POU2AF1: variants seen among roughly 807,000 people sequenced by gnomAD.
POU2AF1 encodes the protein POU domain class 2-associating factor 1.
POU2AF1 carries 12 observed loss-of-function variants against 26.3 expected under a neutral mutation model. The ratio of observed to expected loss-of-function variants is 0.46; its 90% CI spans 0.29 to 0.74. The LOEUF (loss-of-function observed/expected upper bound fraction) is 0.74. Ranked by LOEUF, POU2AF1 falls within the 30% of genes least tolerant of loss-of-function variation. The pLI, the probability that POU2AF1 is intolerant of heterozygous loss-of-function variation, is 0.09. For synonymous variants in POU2AF1, 175 were observed against 148.0 expected (o/e 1.18, Z -1.32); for missense variants, 297 against 334.5 (o/e 0.89, Z 0.87).
chr11:111,353,047 AAGGAAG>A lies in POU2AF1; in HGVS notation c.*1208_*1213del. On this transcript the variant is annotated 3_prime_UTR_variant, in exon 5 of 5. Transcript: ENST00000393067. Reference sequence around the variant, plus strand: ...GAAGGAAGGAAGGAAGGAAGGAAGGAAGGAAGGAAAGAAACAAAACCCACATGGTAG... The same window carrying A: ...GAAGGAAGGAAGGAAGGAAGGAAGGAGAAAGAAACAAAACCCACATGGTAG... The A allele has an allele frequency of 5.5e-6, 1 of 182,122 alleles. No homozygotes were observed. Among genetic ancestry groups the A allele is most frequent in the Non-Finnish European group, 1.0e-5 (1 of 96,922 alleles). The allele number at this position is 182,122 out of a possible 1,614,324, so 11.3% of individuals were successfully genotyped here.
chr11:111,357,862 G>T (rs1284255763), intron 2 of POU2AF1, 25 bp from the exon 3 acceptor site: 4 of 1,592,768 alleles, frequency 2.5e-6, no homozygotes, highest in Non-Finnish European at 3.4e-6. Context: ...AGAAGACCAG[G>T]GTCAATGTTT....
intron 1 of POU2AF1, among the ~76,000 whole-genome samples, chr11:111,371,147 T>C (rs1861202513): frequency 6.6e-6 from 1 of 152,232 alleles, no homozygotes; most frequent in African/African-American, 2.4e-5. Context: ...ATGCTTGCTG[T>C]CTTCCAATGA....
At chr11:111,362,168 G>A (rs1188873623) in intron 1 of POU2AF1, among the ~76,000 whole-genome samples, 1 of 152,062 alleles carries the variant, frequency 6.6e-6, no homozygotes, top group African/African-American at 2.4e-5. Context: ...AGCATTTTTG[G>A]TTTTAATCTT....
intron 1 of POU2AF1, chr11:111,363,868 C>T: frequency 1.0e-6 from 1 of 985,354 alleles, no homozygotes. Context: ...TTTAAGTCTC[C>T]CGTAGGTATC....
At chr11:111,363,097 G>A (rs1673075487) in intron 1 of POU2AF1, 1 of 995,988 alleles carries the variant, frequency 1.0e-6, no homozygotes, top group African/African-American at 1.7e-5. Context: ...ACCCTCTAAT[G>A]TCTGGACTTC....
intron 1 of POU2AF1, among the ~76,000 whole-genome samples, chr11:111,376,336 T>C (rs943196049): frequency 6.6e-6 from 1 of 152,180 alleles, no homozygotes; most frequent in East Asian, 1.9e-4. Context: ...TCCTGCTATT[T>C]CCACTACACT....
chr11:111,362,803 C>A (rs939740137), intron 1 of POU2AF1, among the ~76,000 whole-genome samples: 1 of 152,156 alleles, frequency 6.6e-6, no homozygotes, highest in African/African-American at 2.4e-5. Context: ...CTTAATTCAG[C>A]TGAGGAACAA....
chr11:111,373,255 G>A (rs548510717), intron 1 of POU2AF1, among the ~76,000 whole-genome samples: 1 of 152,316 alleles, frequency 6.6e-6, no homozygotes, highest in East Asian at 1.9e-4. Flanking sequence ...ACTGTTAAAA[G>A]GATTGAGCAT....
intron 1 of POU2AF1, among the ~76,000 whole-genome samples, chr11:111,367,943 AG>A (rs1195103038): frequency 6.6e-6 from 1 of 152,166 alleles, no homozygotes; most frequent in East Asian, 1.9e-4. Flanking sequence ...CGGAGCAGAA[AG>A]GGTTCGCAGA....
intron 1 of POU2AF1, chr11:111,363,055 G>A (rs995810657): frequency 3.1e-5 from 26 of 832,682 alleles, no homozygotes; most frequent in African/African-American, 1.8e-4. Context: ...AACAAAGAGC[G>A]CTTGGTGGAG....
chr11:111,354,401 A>C lies in POU2AF1; in HGVS notation c.631T>G (p.Ser211Ala). The change falls in exon 5 of 5, where the codon TCT (serine) becomes GCT (alanine). Residue 211 changes from serine (S) to alanine (A), a missense_variant. Physicochemically the swap from Ser to Ala is moderately conservative, Grantham distance 99. Coordinates refer to ENST00000393067, the MANE Select transcript of POU2AF1 (RefSeq NM_006235.3). The stretch of plus-strand genomic sequence containing the variant: ...TCCTGAAGGACTGGCTCTGGGATAG[A>C]GATGGGGAGCTGGACAAACTGGGGC... ...PGPQFVQLPI[S>A]IPEPVLQDME... The C allele has an allele frequency of 6.2e-7, 1 of 1,614,100 alleles. No homozygotes were observed. The highest frequency in any genetic ancestry group is 8.5e-7 in the Non-Finnish European group (1 of 1,180,010).
intron 1 of POU2AF1, among the ~76,000 whole-genome samples, chr11:111,371,163 A>G (rs987888315): frequency 2.0e-5 from 3 of 152,168 alleles, no homozygotes; most frequent in African/African-American, 4.8e-5. Flanking sequence ...AATGAAATGT[A>G]TGGCTCTTTC....
intron 1 of POU2AF1, among the ~76,000 whole-genome samples, chr11:111,368,928 C>G (rs1390609542): frequency 1.3e-5 from 2 of 152,218 alleles, no homozygotes; most frequent in African/African-American, 4.8e-5. Flanking sequence ...ATCCATGGCC[C>G]ATCTGTCATC....
At chr11:111,358,750 A>T (rs769425787) in intron 2 of POU2AF1, 38 bp downstream of exon 2, 39 of 1,539,684 alleles carry the variant, frequency 2.5e-5, no homozygotes, top group Non-Finnish European at 3.1e-5. Context: ...TCTCTTTCAC[A>T]CACACACACT....
intron 2 of POU2AF1, among the ~76,000 whole-genome samples, chr11:111,358,392 C>T (rs61896825): frequency 0.52 from 33,574 of 64,294 alleles, 7,459 homozygotes; most frequent in Admixed American, 0.6. Context: ...ACACACACTC[C>T]CTCACACACA....
chr11:111,358,476 TCA>T (rs1324611330), intron 2 of POU2AF1, among the ~76,000 whole-genome samples: 2 of 51,790 alleles, frequency 3.9e-5, no homozygotes, highest in Admixed American at 2.5e-4. Flanking sequence ...ACATACATTC[TCA>T]CACACTGACA....
intron 1 of POU2AF1, among the ~76,000 whole-genome samples, chr11:111,370,670 T>C (rs1861192960): frequency 6.6e-6 from 1 of 152,168 alleles, no homozygotes; most frequent in Non-Finnish European, 1.5e-5. Flanking sequence ...TTGGTTTGAA[T>C]AAGGGAGTTT....
chr11:111,354,194 G>A lies in POU2AF1; in HGVS notation c.*67C>T. 1.3e-6 allele frequency: 2 copies of A among 1,537,556 alleles called. No homozygotes were observed. Among genetic ancestry groups the A allele is most frequent in the Non-Finnish European group, 8.9e-7 (1 of 1,123,832 alleles). On this transcript the variant is annotated 3_prime_UTR_variant, in exon 5 of 5. Coordinates refer to ENST00000393067, the MANE Select transcript of POU2AF1 (RefSeq NM_006235.3). ...GACTACTCCAAACAAGCATGAACCT[G>A]GGGCTCAATTCCAGGCTCATTTTAA...
At chr11:111,366,723 G>A (rs745529910) in intron 1 of POU2AF1, among the ~76,000 whole-genome samples, 6 of 152,174 alleles carry the variant, frequency 3.9e-5, no homozygotes, top group Non-Finnish European at 8.8e-5. Flanking sequence ...GACCTAGAAA[G>A]AAGAGCCCTG....
Sources: gnomAD v4.1 joint callset for allele counts (sites outside exome capture counted in the v4.1 genomes callset) on GRCh38, gnomAD v4.1.1 for gene constraint, MANE v1.5 for transcripts, NCBI Gene and HGNC (gene_info 2026-07-23, HGNC 2026-07-21) for gene names.